Variants in C8orf34 observed in about 807,000 individuals in gnomAD.
The protein encoded by C8orf34 is uncharacterized protein C8orf34.
C8orf34 carries 65 observed loss-of-function variants against 68.3 expected under a neutral mutation model. That is an observed-to-expected ratio of 0.95 (90% CI 0.78 to 1.17). The LOEUF (loss-of-function observed/expected upper bound fraction) is 1.17. Ranked by LOEUF, C8orf34 falls within the 50% of genes most tolerant of loss-of-function variation. The pLI is 0.00. For synonymous variants in C8orf34, 244 were observed against 241.2 expected (o/e 1.01, Z -0.11); for missense variants, 664 against 655.4 (o/e 1.01, Z -0.14).
At chr8:68,672,083 T>A (rs142617655) in intron 8 of C8orf34, among the ~76,000 whole-genome samples, 359 of 152,280 alleles carry the variant, frequency 2.4e-3, no homozygotes, top group African/African-American at 8.3e-3. Context: ...AAGGAGTAGA[T>A]CTCAAAGATA....
intron 7 of C8orf34, among the ~76,000 whole-genome samples, chr8:68,604,040 A>C (rs1184978211): frequency 6.6e-6 from 1 of 152,160 alleles, no homozygotes; most frequent in Non-Finnish European, 1.5e-5. Flanking sequence ...TTTGCCTTGG[A>C]AATAGATAAA....
chr8:68,348,495 T>C (rs1374333080), intron 1 of C8orf34, among the ~76,000 whole-genome samples: 1 of 152,108 alleles, frequency 6.6e-6, no homozygotes, highest in East Asian at 1.9e-4. Flanking sequence ...TCTATTTCTA[T>C]GAAGAACATT....
intron 2 of C8orf34, among the ~76,000 whole-genome samples, chr8:68,440,906 G>A (rs1467643404): frequency 6.6e-6 from 1 of 151,580 alleles, no homozygotes; most frequent in African/African-American, 2.4e-5. Context: ...CTGGGTTCAC[G>A]CCATTCTCCT....
rs1193621697 is a variant in C8orf34 at position 68,815,808 on chromosome 8, C to T, written c.1550-78C>T. On this transcript the variant is annotated intron_variant, in intron 12 of 13. Coordinates refer to ENST00000518698, the MANE Select transcript of C8orf34 (RefSeq NM_052958.4). ...TCAATTAATCTTCACTAGAAATTGG[C>T]TAAAGCGCTAGGGAATGGTATTTAA... 2.5e-6 allele frequency: 4 copies of T among 1,611,020 alleles called. No homozygotes were observed. The East Asian group carries it at 6.7e-5, about 27-fold the overall frequency.
chr8:68,559,822 T>G (rs1162187545), intron 7 of C8orf34, among the ~76,000 whole-genome samples: 1 of 152,168 alleles, frequency 6.6e-6, no homozygotes, highest in African/African-American at 2.4e-5. Context: ...GTAGCAAGAA[T>G]GTGACTCCTA....
chr8:68,783,461 T>C (rs1285750894), intron 11 of C8orf34, among the ~76,000 whole-genome samples: 1 of 121,100 alleles, frequency 8.3e-6, no homozygotes, highest in African/African-American at 4.0e-5. Flanking sequence ...GAGGTTGCAG[T>C]GAGCCAAGAT....
chr8:68,539,760 A>G (rs1586345633), intron 7 of C8orf34, among the ~76,000 whole-genome samples: 1 of 152,056 alleles, frequency 6.6e-6, no homozygotes, highest in African/African-American at 2.4e-5. Context: ...ACACTGAGGC[A>G]GGAGAATCAC....
At chr8:68,510,483 A>G (rs1187648019) in intron 5 of C8orf34, among the ~76,000 whole-genome samples, 1 of 152,200 alleles carries the variant, frequency 6.6e-6, no homozygotes, top group African/African-American at 2.4e-5. Context: ...TGGAGCTGCC[A>G]CCAGAGATTG....
intron 11 of C8orf34, among the ~76,000 whole-genome samples, chr8:68,783,849 G>A (rs1021323322): frequency 3.9e-5 from 6 of 152,140 alleles, no homozygotes; most frequent in Admixed American, 1.3e-4. Context: ...TAAATTAACC[G>A]AAACCATCTC....
At chr8:68,574,616 T>G (rs1816850262) in intron 7 of C8orf34, among the ~76,000 whole-genome samples, 1 of 152,052 alleles carries the variant, frequency 6.6e-6, no homozygotes, top group Non-Finnish European at 1.5e-5. Flanking sequence ...ACCAGCATAA[T>G]AGGACACTAG....
At chr8:68,524,231 A>T (rs192829806) in intron 6 of C8orf34, among the ~76,000 whole-genome samples, 62 of 152,364 alleles carry the variant, frequency 4.1e-4, no homozygotes, top group East Asian at 2.5e-3. Context: ...ATTAGAGGGA[A>T]TTAAATAAAT....
intron 7 of C8orf34, among the ~76,000 whole-genome samples, chr8:68,612,254 G>C (rs1818045335): frequency 6.6e-6 from 1 of 152,058 alleles, no homozygotes; most frequent in Non-Finnish European, 1.5e-5. Context: ...CTTATGCACT[G>C]GCTCACTCAA....
rs184318306 is a variant in C8orf34 at position 68,688,554 on chromosome 8, A to G, written c.1242-20440A>G. 3.9e-3 allele frequency among the ~76,000 whole-genome samples: 595 copies of G among 152,216 alleles called. 2 individuals are homozygous for G. Among genetic ancestry groups the G allele is most frequent in the Non-Finnish European group, 4.9e-3 (334 of 68,000 alleles). ...TATTGCAGCAATATTTACAATTGCA[A>G]TTTACAATTGCAAAGACATGGAACC... On this transcript the variant is annotated intron_variant, in intron 8 of 13. Transcript: ENST00000518698.
intron 10 of C8orf34, among the ~76,000 whole-genome samples, chr8:68,768,436 G>A (rs1047436530): frequency 1.3e-5 from 2 of 152,158 alleles, no homozygotes. Flanking sequence ...TCTCTTTTCA[G>A]TGGACAGTTA....
At chr8:68,629,034 G>GA (rs1245249752) in intron 7 of C8orf34, among the ~76,000 whole-genome samples, 4 of 150,034 alleles carry the variant, frequency 2.7e-5, no homozygotes, top group Admixed American at 6.6e-5. Context: ...AGTACAAAAA[G>GA]AAAAAAAAAT....
At chr8:68,774,350 A>ATATATATATATATATAT (rs1563661802) in intron 10 of C8orf34, among the ~76,000 whole-genome samples, 42 of 109,504 alleles carry the variant, frequency 3.8e-4, no homozygotes, top group African/African-American at 2.3e-3. Flanking sequence ...TATATATATA[A>ATATATATATATATATAT]AATAAACAAA....
intron 1 of C8orf34, among the ~76,000 whole-genome samples, chr8:68,376,515 C>T (rs999587776): frequency 2.0e-4 from 30 of 151,806 alleles, no homozygotes; most frequent in African/African-American, 6.5e-4. Flanking sequence ...GGACTGTAGT[C>T]GGACCCAGAT....
Position 68,459,016 on chromosome 8 carries a change from TTG to T in C8orf34, c.608-9672_608-9671del, listed in dbSNP as rs1486713289. ...CAAATTCTACTCCCCTAGAAATAGT[TTG>T]TGTCTTTGTATATTCTTTCCTTTGT... On this transcript the variant is annotated intron_variant, in intron 3 of 13. Coordinates refer to ENST00000518698, the MANE Select transcript of C8orf34 (RefSeq NM_052958.4). Among the ~76,000 whole-genome samples, 5 of 152,208 alleles carry T rather than the reference TTG, an allele frequency of 3.3e-5. No individual in the cohort carries two copies. The South Asian group carries it at 6.2e-4, about 19-fold the overall frequency.
chr8:68,723,669 G>A (rs1158935398), intron 10 of C8orf34, among the ~76,000 whole-genome samples: 1 of 151,996 alleles, frequency 6.6e-6, no homozygotes, highest in African/African-American at 2.4e-5. Flanking sequence ...TTTATCAGCT[G>A]TGAATTCCAC....
Sources: gnomAD v4.1 joint callset for allele counts (sites outside exome capture counted in the v4.1 genomes callset) on GRCh38, gnomAD v4.1.1 for gene constraint, MANE v1.5 for transcripts, NCBI Gene and HGNC (gene_info 2026-07-23, HGNC 2026-07-21) for gene names.